The following UBR3 variants were observed in gnomAD, a reference collection of about 807,000 sequenced individuals.
UBR3 encodes the protein E3 ubiquitin-protein ligase UBR3.
A neutral mutation model predicts 243.2 loss-of-function variants in UBR3; 85 were observed. The ratio of observed to expected loss-of-function variants is 0.35; its 90% confidence interval spans 0.29 to 0.42. The LOEUF (loss-of-function observed/expected upper bound fraction) is 0.42, where lower values mean the gene tolerates loss of function less well. Among genes scored for constraint, UBR3 ranks in the 10% least tolerant of loss-of-function variants. The probability of loss-of-function intolerance (pLI) is 1.00; values close to 1 mark genes in which losing one functional copy is unlikely to be tolerated. For missense variants in UBR3, 1,686 were observed against 2,300.8 expected, an observed-to-expected ratio of 0.73 and a Z score of 5.47; for synonymous variants, 748 against 799.8, an observed-to-expected ratio of 0.94 and a Z score of 1.09.
intron 24 of UBR3, among the ~76,000 whole-genome samples, chr2:169,983,196 A>AG (rs1266238266): frequency 4.8e-5 from 6 of 125,002 alleles, no homozygotes; most frequent in African/African-American, 1.2e-4. Flanking sequence ...ACTATGCAAG[A>AG]TCACCTGAGG....
chr2:169,859,840 C>T (rs1308617270), intron 1 of UBR3, among the ~76,000 whole-genome samples: 1 of 152,068 alleles, frequency 6.6e-6, no homozygotes, highest in East Asian at 1.9e-4. Flanking sequence ...CCTCAGGCTC[C>T]TGAGTAGCTG....
chr2:170,049,701 C>G (rs1162176390), intron 32 of UBR3, among the ~76,000 whole-genome samples: 1 of 152,154 alleles, frequency 6.6e-6, no homozygotes, highest in Non-Finnish European at 1.5e-5. Flanking sequence ...TATTGGATAT[C>G]CTTTTTCTCA....
chr2:170,060,968 G>A, intron 33 of UBR3, 111 bp from the exon 34 acceptor site: 2 of 728,048 alleles, frequency 2.7e-6, no homozygotes, highest in Non-Finnish European at 4.1e-6. Flanking sequence ...AAGCTCATAT[G>A]CTTGAAAAAT....
intron 10 of UBR3, among the ~76,000 whole-genome samples, chr2:169,910,895 A>T (rs902718323): frequency 6.6e-6 from 1 of 152,158 alleles, no homozygotes; most frequent in Admixed American, 6.5e-5. Context: ...AGAATTTCCA[A>T]AGCTTTTTAG....
intron 10 of UBR3, among the ~76,000 whole-genome samples, chr2:169,913,306 G>A (rs543100802): frequency 6.0e-4 from 90 of 151,202 alleles, no homozygotes; most frequent in Non-Finnish European, 1.2e-3. Context: ...TATTTTCTTG[G>A]AAGAAATGTC....
intron 5 of UBR3, among the ~76,000 whole-genome samples, chr2:169,888,072 G>A (rs978502657): frequency 6.8e-6 from 1 of 147,260 alleles, no homozygotes; most frequent in Non-Finnish European, 1.5e-5. Context: ...CACCACGCCC[G>A]GCAGTTTTTT....
chr2:169,873,928 G>C (rs2083512163), intron 2 of UBR3, among the ~76,000 whole-genome samples: 1 of 152,044 alleles, frequency 6.6e-6, no homozygotes, highest in South Asian at 2.1e-4. Context: ...CTTATCATTA[G>C]TTTAATGAAA....
intron 24 of UBR3, among the ~76,000 whole-genome samples, chr2:169,982,313 A>C (rs2088774367): frequency 6.6e-6 from 1 of 152,134 alleles, no homozygotes; most frequent in Non-Finnish European, 1.5e-5. Flanking sequence ...ATGAAAGCAA[A>C]ACATGAAGCA....
At chr2:169,913,419 G>A (rs1252280756) in intron 10 of UBR3, among the ~76,000 whole-genome samples, 1 of 146,768 alleles carries the variant, frequency 6.8e-6, no homozygotes, top group Non-Finnish European at 1.5e-5. Context: ...GTTTAATTTA[G>A]AACTCGCCTA....
At chr2:170,078,126 C>T in intron 36 of UBR3, 2 of 615,218 alleles carry the variant, frequency 3.3e-6, no homozygotes, top group Non-Finnish European at 6.1e-6. Context: ...TGTATTTTCT[C>T]AGCATGGTGC....
chr2:169,970,594 A>G (rs10169943), intron 24 of UBR3, among the ~76,000 whole-genome samples: 72,080 of 95,614 alleles, frequency 0.75, 28,037 homozygotes, highest in Middle Eastern at 0.87. Context: ...TTGTTCTTGC[A>G]ATAGTTTGCT....
At chr2:169,967,110 T>C (rs184080797) in intron 24 of UBR3, among the ~76,000 whole-genome samples, 4 of 152,220 alleles carry the variant, frequency 2.6e-5, no homozygotes, top group Admixed American at 2.6e-4. Context: ...ATGCCTAGGC[T>C]TAGAGAGATT....
intron 33 of UBR3, 106 bp downstream of exon 33, chr2:170,055,690 T>C (rs995160502): frequency 5.7e-6 from 8 of 1,398,708 alleles, no homozygotes; most frequent in Non-Finnish European, 7.7e-6. Context: ...ATTGGTATTT[T>C]AATTGTAAAT....
chr2:169,933,867 A>G (rs985360691), intron 19 of UBR3, among the ~76,000 whole-genome samples: 1 of 140,482 alleles, frequency 7.1e-6, no homozygotes, highest in Non-Finnish European at 1.6e-5. Flanking sequence ...AACCAAAACG[A>G]TCTTTAAATC....
intron 10 of UBR3, among the ~76,000 whole-genome samples, chr2:169,906,474 A>G (rs540884094): frequency 8.5e-5 from 13 of 152,134 alleles, no homozygotes; most frequent in Non-Finnish European, 1.8e-4. Context: ...ATAGTCCTCA[A>G]TATTACACTT....
rs573927864 is a variant in UBR3, at chr2:169,926,677, T to C, written c.2152-15T>C. On this transcript the variant is annotated splice_polypyrimidine_tract_variant and intron_variant, in intron 14 of 38. Coordinates refer to ENST00000272793, the MANE Select transcript of UBR3 (RefSeq NM_172070.4). ...CTGAATATTGAGAAATAAAGCATTT[T>C]GTTTTCTTTTAAAGGTTTGTGCTTC... is the stretch of plus-strand genomic sequence containing the variant. 1 of 1,532,948 alleles carries C rather than the reference T, an allele frequency of 6.5e-7. No homozygotes were observed. Among genetic ancestry groups the C allele is most frequent in the East Asian group, 2.5e-5 (1 of 40,748 alleles). The allele number at this position is 1,532,948 out of a possible 1,614,324, so 95.0% of individuals were successfully genotyped here. A position where few individuals can be genotyped will look rare whatever the true frequency, so the allele number is the denominator to read the frequency against.
chr2:169,907,012 A>G (rs1480284716), intron 10 of UBR3, among the ~76,000 whole-genome samples: 2 of 146,604 alleles, frequency 1.4e-5, no homozygotes, highest in East Asian at 2.0e-4. Context: ...CCTTGTTACA[A>G]TCTTACTAGG....
At chr2:169,902,234 C>T (rs555137899) in intron 8 of UBR3, among the ~76,000 whole-genome samples, 1 of 152,336 alleles carries the variant, frequency 6.6e-6, no homozygotes, top group South Asian at 2.1e-4. Context: ...ATAGCCTCTT[C>T]ATCACTGCAT....
chr2:169,940,968 A>G (rs983438152), intron 19 of UBR3, among the ~76,000 whole-genome samples: 2 of 152,228 alleles, frequency 1.3e-5, no homozygotes, highest in African/African-American at 2.4e-5. Context: ...CCAGTGTACC[A>G]TGCTGTATAT....
Sources: gnomAD v4.1 joint callset for allele counts (sites outside exome capture counted in the v4.1 genomes callset) on GRCh38, gnomAD v4.1.1 for gene constraint, MANE v1.5 for transcripts, NCBI Gene and HGNC (gene_info 2026-07-23, HGNC 2026-07-21) for gene names.